SOX5: variants seen among roughly 807,000 people sequenced by gnomAD.
SOX5 encodes SRY-box transcription factor 5.
A neutral mutation model predicts 92.0 loss-of-function variants in SOX5; 9 were observed. The ratio of observed to expected loss-of-function variants is 0.10; its 90% CI spans 0.06 to 0.17. The LOEUF (loss-of-function observed/expected upper bound fraction) is 0.17. Among genes scored for constraint, SOX5 ranks in the 10% least tolerant of loss-of-function variants. The pLI, the probability that SOX5 is intolerant of heterozygous loss-of-function variation, is 1.00. For missense variants in SOX5, 642 were observed against 944.5 expected (o/e 0.68, Z 4.20); for synonymous variants, 344 against 336.3 (o/e 1.02, Z -0.25).
At chr12:24,043,274 G>A (rs982135486) in intron 4 of SOX5, among the ~76,000 whole-genome samples, 4 of 152,104 alleles carry the variant, frequency 2.6e-5, no homozygotes, top group South Asian at 2.1e-4. Context: ...AATAAATATC[G>A]GAAAGCAAGA....
At chr12:24,324,074 G>A (rs192437137) in intron 2 of SOX5, among the ~76,000 whole-genome samples, 36 of 152,174 alleles carry the variant, frequency 2.4e-4, no homozygotes, top group African/African-American at 8.7e-4. Flanking sequence ...CATACTCCAC[G>A]CTGCTAAGAA....
intron 8 of SOX5, among the ~76,000 whole-genome samples, chr12:23,622,454 A>G (rs1249565459): frequency 1.3e-5 from 2 of 152,104 alleles, no homozygotes; most frequent in Non-Finnish European, 2.9e-5. Context: ...CTGATCCTAC[A>G]CTTCAATGGT....
At chr12:24,336,072 C>CG (rs1286969588) in intron 2 of SOX5, among the ~76,000 whole-genome samples, 1 of 141,088 alleles carries the variant, frequency 7.1e-6, no homozygotes, top group Non-Finnish European at 1.5e-5. Context: ...TATGGGGATA[C>CG]GTTTTTTTTG....
chr12:24,438,431 T>TA (rs980563496), intron 1 of SOX5, among the ~76,000 whole-genome samples: 20 of 151,426 alleles, frequency 1.3e-4, no homozygotes, highest in South Asian at 6.3e-4. Context: ...AAAGTATAGT[T>TA]AAAAAAAATA....
At chr12:23,644,514 T>A (rs2138846255) in intron 7 of SOX5, among the ~76,000 whole-genome samples, 1 of 152,306 alleles carries the variant, frequency 6.6e-6, no homozygotes, top group Admixed American at 6.5e-5. Context: ...GTATTAGAGT[T>A]TGAGAAGTGC....
intron 1 of SOX5, among the ~76,000 whole-genome samples, chr12:24,372,726 A>T (rs1265729533): frequency 6.6e-6 from 1 of 152,194 alleles, no homozygotes; most frequent in Non-Finnish European, 1.5e-5. Flanking sequence ...CAATGGCTAA[A>T]CTAATTTACA....
chr12:23,590,097 A>C (rs1200824421), intron 9 of SOX5, among the ~76,000 whole-genome samples: 1 of 151,980 alleles, frequency 6.6e-6, no homozygotes, highest in Non-Finnish European at 1.5e-5. Context: ...GTGGTGCTAA[A>C]AAAGAGAGAA....
intron 4 of SOX5, among the ~76,000 whole-genome samples, chr12:24,183,156 G>C (rs897870141): frequency 1.3e-5 from 2 of 152,120 alleles, no homozygotes; most frequent in Non-Finnish European, 2.9e-5. Flanking sequence ...TTTGTTATTA[G>C]TATGCGTTTT....
intron 7 of SOX5, among the ~76,000 whole-genome samples, chr12:23,656,325 A>G (rs2082299997): frequency 6.6e-6 from 1 of 152,144 alleles, no homozygotes; most frequent in African/African-American, 2.4e-5. Flanking sequence ...CTCAGAGAGC[A>G]TTAGAATTTA....
At chr12:23,970,516 A>G (rs1467533942) in intron 4 of SOX5, among the ~76,000 whole-genome samples, 1 of 151,896 alleles carries the variant, frequency 6.6e-6, no homozygotes, top group East Asian at 1.9e-4. Flanking sequence ...TGCCTATTAT[A>G]TATACATATT....
intron 3 of SOX5, among the ~76,000 whole-genome samples, chr12:24,263,615 T>G (rs1345354045): frequency 6.6e-6 from 1 of 152,060 alleles, no homozygotes; most frequent in East Asian, 1.9e-4. Flanking sequence ...AATCTTTGTT[T>G]CTGTACATTT....
At chr12:24,085,516 T>C (rs1943879249) in intron 4 of SOX5, among the ~76,000 whole-genome samples, 1 of 152,118 alleles carries the variant, frequency 6.6e-6, no homozygotes, top group Non-Finnish European at 1.5e-5. Context: ...ATCATTATGT[T>C]AAACCAGGAC....
At chr12:23,746,223 G>A (rs749742802) in intron 4 of SOX5, among the ~76,000 whole-genome samples, 3 of 152,152 alleles carry the variant, frequency 2.0e-5, no homozygotes, top group Non-Finnish European at 2.9e-5. Flanking sequence ...AGCGGAGAAA[G>A]TAGCAAGAGT....
At chr12:23,671,258 G>C (rs1272832977) in intron 6 of SOX5, among the ~76,000 whole-genome samples, 1 of 152,118 alleles carries the variant, frequency 6.6e-6, no homozygotes, top group East Asian at 1.9e-4. Flanking sequence ...GTTTATATCA[G>C]CACAATTACA....
chr12:24,228,987 C>T (rs755365201), intron 3 of SOX5, among the ~76,000 whole-genome samples: 4 of 152,192 alleles, frequency 2.6e-5, no homozygotes, highest in Non-Finnish European at 4.4e-5. Flanking sequence ...GTGCAAGACC[C>T]ATGATTGTCC....
chr12:24,386,519 TTCTC>T (rs1392954142), intron 1 of SOX5, among the ~76,000 whole-genome samples: 1 of 152,184 alleles, frequency 6.6e-6, no homozygotes, highest in Non-Finnish European at 1.5e-5. Context: ...AAAAACTGCT[TTCTC>T]TCTATATGAA....
chr12:23,869,185 C>G (rs984273113), intron 2 of SOX5, among the ~76,000 whole-genome samples: 1 of 152,190 alleles, frequency 6.6e-6, no homozygotes, highest in Middle Eastern at 3.4e-3. Flanking sequence ...ATGTTATTTC[C>G]TTTTTACTAG....
At chr12:23,548,337 C>T (rs1465625270) in intron 11 of SOX5, among the ~76,000 whole-genome samples, 1 of 152,020 alleles carries the variant, frequency 6.6e-6, no homozygotes, top group East Asian at 1.9e-4. Flanking sequence ...GCAGGAAAGT[C>T]ACACTCAGTT....
upstream of SOX5, chr12:23,951,103 A>G: frequency 4.0e-6 from 2 of 496,398 alleles, no homozygotes; most frequent in South Asian, 3.1e-5. Context: ...AGGAAAAAAA[A>G]GCCTTCCATT....
Sources: allele counts gnomAD v4.1 joint callset (sites outside exome capture counted in the v4.1 genomes callset), GRCh38; gene constraint gnomAD v4.1.1; transcripts MANE v1.5; gene names NCBI Gene and HGNC (gene_info 2026-07-23, HGNC 2026-07-21).